The following COL11A1 variants were observed in gnomAD, a reference collection of about 807,000 sequenced individuals.
COL11A1 encodes the protein collagen type XI alpha 1 chain.
Under a neutral mutation model 265.2 loss-of-function variants are expected in COL11A1, and 74 were observed. The observed-to-expected ratio is 0.28, with a 90% CI of 0.23 to 0.34. COL11A1 has a LOEUF of 0.34. Ranked by LOEUF, COL11A1 falls within the 10% of genes least tolerant of loss-of-function variation. The pLI, the probability that COL11A1 is intolerant of heterozygous loss-of-function variation, is 1.00. For synonymous variants in COL11A1, 816 were observed against 727.6 expected, an observed-to-expected ratio of 1.12 and a Z score of -1.96; for missense variants, 2,165 against 2,263.6, an observed-to-expected ratio of 0.96 and a Z score of 0.88.
intron 26 of COL11A1, 148 bp from the exon 27 acceptor site, chr1:102,996,190 T>A (rs1664609917): frequency 1.3e-6 from 1 of 761,648 alleles, no homozygotes; most frequent in Non-Finnish European, 2.1e-6. Context: ...TTACTCTTTA[T>A]TTCTAGAAAC....
intron 54 of COL11A1, among the ~76,000 whole-genome samples, chr1:102,908,640 T>C (rs150244407): frequency 0.032 from 4,828 of 152,202 alleles, 106 homozygotes; most frequent in Middle Eastern, 0.086. Context: ...CACTTTCCAT[T>C]GATGTGTAAT....
Position 102,998,345 on chromosome 1 carries a change from C to G in COL11A1, c.2161G>C (p.Gly721Arg), listed in dbSNP as rs1204226663. 6.2e-7 allele frequency: 1 copy of G among 1,604,164 alleles called. No individual in the cohort carries two copies. The highest frequency in any genetic ancestry group is 8.5e-7 in the Non-Finnish European group (1 of 1,174,772). Residue 721 changes from glycine (G) to arginine (R), a missense_variant, in exon 25 of 67, where the codon GGA (glycine) becomes CGA (arginine). By Grantham distance (125) the Gly-to-Arg change is moderately radical. Coordinates refer to ENST00000370096, the MANE Select transcript of COL11A1 (RefSeq NM_001854.4). The stretch of plus-strand genomic sequence containing the variant: ...TCAGCACCAGGAAGTCCAGCAAGTC[C>G]TGGTTTTCCTTGTGGTCCCTTATAG... Reference protein sequence around the residue: ...PGEKGPQGKPGLAGLPGADGP... With the variant: ...PGEKGPQGKPRLAGLPGADGP...
At chr1:103,035,835 A>G (rs916728682) in intron 4 of COL11A1, among the ~76,000 whole-genome samples, 3 of 151,904 alleles carry the variant, frequency 2.0e-5, no homozygotes, top group Non-Finnish European at 4.4e-5. Context: ...TTTGTAAATT[A>G]TTTTTAAGTA....
In COL11A1 at chr1:103,065,858, G is replaced by A. The variant is rs149401076; in HGVS notation, c.651+8760C>T. Among the ~76,000 whole-genome samples the A allele has an allele frequency of 3.0e-3, 452 of 151,922 alleles. 6 individuals carry two copies. Among genetic ancestry groups the A allele is most frequent in the Non-Finnish European group, 1.9e-3 (126 of 67,974 alleles). On this transcript the variant is annotated intron_variant, in intron 4 of 66. Transcript: ENST00000370096. ...AACAAAATTATGACAATCTACTGAA[G>A]TCAATCTACTGAAAAGCAAACACGG... is the stretch of plus-strand genomic sequence containing the variant.
At chr1:102,911,352 A>C (rs965302577) in intron 54 of COL11A1, among the ~76,000 whole-genome samples, 3 of 152,148 alleles carry the variant, frequency 2.0e-5, no homozygotes, top group African/African-American at 7.2e-5. Context: ...TGTGAAAAAT[A>C]CCCCTGAAAT....
chr1:102,886,715 A>T, intron 63 of COL11A1, 92 bp downstream of exon 63: 1 of 1,508,092 alleles, frequency 6.6e-7, no homozygotes, highest in Non-Finnish European at 9.2e-7. Flanking sequence ...TAGAGACTGT[A>T]TTAAACATTT....
intron 13 of COL11A1, 98 bp from the exon 14 acceptor site, chr1:103,012,567 A>G: frequency 3.5e-6 from 3 of 854,796 alleles, no homozygotes; most frequent in Non-Finnish European, 5.9e-6. Context: ...GTAATACATG[A>G]TCAACACAGA....
At chr1:103,025,437 A>T (rs1473845385) in intron 7 of COL11A1, 84 bp downstream of exon 7, 2 of 949,356 alleles carry the variant, frequency 2.1e-6, no homozygotes, top group Admixed American at 3.7e-5. Context: ...GAGAAATTAT[A>T]GATTCTTCCA....
At chr1:103,051,688 G>C (rs142699749) in intron 4 of COL11A1, among the ~76,000 whole-genome samples, 2,061 of 152,276 alleles carry the variant, frequency 0.014, 46 homozygotes, top group African/African-American at 0.046. Flanking sequence ...CCTGTCTTCT[G>C]CATCGCTCAC....
chr1:102,942,476 C>G (rs370828209), intron 42 of COL11A1, among the ~76,000 whole-genome samples: 8 of 152,236 alleles, frequency 5.3e-5, no homozygotes, highest in African/African-American at 1.9e-4. Flanking sequence ...CATTATGTAT[C>G]TCTTGGCCCA....
At chr1:103,041,713 A>G (rs2102054565) in intron 4 of COL11A1, among the ~76,000 whole-genome samples, 1 of 152,112 alleles carries the variant, frequency 6.6e-6, no homozygotes, top group Non-Finnish European at 1.5e-5. Flanking sequence ...TCTGAAACAA[A>G]AATTATGTTT....
At chr1:103,023,999 CAT>C (rs1428044397) in intron 7 of COL11A1, among the ~76,000 whole-genome samples, 7 of 152,102 alleles carry the variant, frequency 4.6e-5, no homozygotes, top group Non-Finnish European at 8.8e-5. Context: ...TCCTCAGAGA[CAT>C]AGACAAAAAC....
At chr1:102,890,301 A>G in intron 58 of COL11A1, 150 bp downstream of exon 58, 1 of 678,814 alleles carries the variant, frequency 1.5e-6, no homozygotes, top group Non-Finnish European at 2.5e-6. Context: ...CTCTACATAC[A>G]TCTGGGAAGC....
intron 46 of COL11A1, among the ~76,000 whole-genome samples, chr1:102,932,332 T>C (rs998576438): frequency 5.3e-5 from 8 of 152,178 alleles, no homozygotes; most frequent in Non-Finnish European, 1.0e-4. Context: ...TAAAGGATTT[T>C]ATTTCTCCTT....
At chr1:102,945,186 T>G (rs1280718960) in intron 42 of COL11A1, among the ~76,000 whole-genome samples, 1 of 151,760 alleles carries the variant, frequency 6.6e-6, no homozygotes, top group Non-Finnish European at 1.5e-5. Flanking sequence ...AAAATGAAAT[T>G]AATTAATGCC....
At position 103,098,662 on chromosome 1, in the gene COL11A1, C is replaced by T. The variant is rs144394493; in HGVS notation, c.106+9411G>A. On this transcript the variant is annotated intron_variant, in intron 1 of 66. Transcript: ENST00000370096. Reference sequence around the variant, plus strand: ...TTGCATCAGTGAAAAAGATGTATTTCCTGCTTTCATTATACCATCAAAAAT... The same window carrying T: ...TTGCATCAGTGAAAAAGATGTATTTTCTGCTTTCATTATACCATCAAAAAT... 6.5e-4 allele frequency among the ~76,000 whole-genome samples: 99 copies of T among 151,912 alleles called. 2 individuals are homozygous for T. The East Asian group carries it at 0.018, about 27-fold the overall frequency.
intron 46 of COL11A1, among the ~76,000 whole-genome samples, chr1:102,924,717 G>C (rs905655877): frequency 1.3e-5 from 2 of 151,970 alleles, no homozygotes; most frequent in Non-Finnish European, 2.9e-5. Context: ...CATTCCAAAA[G>C]TTTAATCTTA....
rs1664587869 is a variant in COL11A1, at chr1:102,996,003, G to T, written c.2281C>A (p.Pro761Thr). Residue 761 changes from proline to threonine, a missense_variant, in exon 27 of 67, where the codon CCC becomes ACC. Coordinates refer to ENST00000370096, the MANE Select transcript of COL11A1 (RefSeq NM_001854.4). ...GPQGPIGYPG[P>T]RGVKGADGVR... is the part of the protein sequence containing the mutation. ...TTTAACGTTACCTTTACTCCCCGGG[G>T]GCCCGGGTATCCAATAGGACCTTGT... 6.2e-7 allele frequency: 1 copy of T among 1,613,340 alleles called. No individual in the cohort carries two copies. Among genetic ancestry groups the T allele is most frequent in the Non-Finnish European group, 8.5e-7 (1 of 1,179,590 alleles).
In COL11A1 at chr1:103,071,191, A is replaced by C. The variant is rs578020567; in HGVS notation, c.651+3427T>G. Among the ~76,000 whole-genome samples, 11 of 152,014 alleles carry C rather than the reference A, an allele frequency of 7.2e-5. 1 individual carries two copies. The highest frequency in any genetic ancestry group is 2.4e-4 in the African/African-American group (10 of 41,530). On this transcript the variant is annotated intron_variant, in intron 4 of 66. Coordinates refer to ENST00000370096, the MANE Select transcript of COL11A1 (RefSeq NM_001854.4). ...TTCCACGAAATAAATAATCTCCCCA[A>C]AGATGGCTATTTGTTAAAAAATATG...
Sources: gnomAD v4.1 joint callset for allele counts (sites outside exome capture counted in the v4.1 genomes callset) on GRCh38, gnomAD v4.1.1 for gene constraint, MANE v1.5 for transcripts, NCBI Gene and HGNC (gene_info 2026-07-23, HGNC 2026-07-21) for gene names.